CNTNAP2: variants seen among roughly 807,000 people sequenced by gnomAD.
The protein encoded by CNTNAP2 is contactin associated protein 2.
In CNTNAP2, 98 loss-of-function variants were observed where a neutral mutation model predicts 155.2. The ratio of observed to expected loss-of-function variants is 0.63; its 90% CI spans 0.54 to 0.75. The LOEUF (loss-of-function observed/expected upper bound fraction) is 0.75. Among genes scored for constraint, CNTNAP2 ranks in the 30% least tolerant of loss-of-function variants. The pLI is 0.00. For synonymous variants in CNTNAP2, 651 were observed against 631.2 expected, an observed-to-expected ratio of 1.03 and a Z score of -0.47; for missense variants, 1,727 against 1,688.1, an observed-to-expected ratio of 1.02 and a Z score of -0.40.
At chr7:147,661,066 C>T (rs1795601634) in intron 13 of CNTNAP2, among the ~76,000 whole-genome samples, 1 of 152,052 alleles carries the variant, frequency 6.6e-6, no homozygotes, top group South Asian at 2.1e-4. Context: ...TATTGAAAAC[C>T]TATTTCTCCA....
At chr7:146,191,226 G>A (rs1486146069) in intron 1 of CNTNAP2, among the ~76,000 whole-genome samples, 4 of 152,062 alleles carry the variant, frequency 2.6e-5, no homozygotes, top group Non-Finnish European at 5.9e-5. Flanking sequence ...TTTAAAGCTG[G>A]GTGTCCAGGG....
intron 2 of CNTNAP2, among the ~76,000 whole-genome samples, chr7:146,822,796 A>G (rs1044194403): frequency 1.4e-5 from 2 of 148,030 alleles, no homozygotes; most frequent in Non-Finnish European, 3.0e-5. Context: ...AGCATATTTA[A>G]ATATAAATAT....
At chr7:147,407,445 G>A (rs1797025249) in intron 10 of CNTNAP2, among the ~76,000 whole-genome samples, 1 of 125,768 alleles carries the variant, frequency 8.0e-6, no homozygotes, top group Non-Finnish European at 1.6e-5. Flanking sequence ...TCCAGCCTGG[G>A]CAACAGAGCG....
At chr7:147,263,965 C>A (rs944352001) in intron 8 of CNTNAP2, among the ~76,000 whole-genome samples, 2 of 152,152 alleles carry the variant, frequency 1.3e-5, no homozygotes, top group African/African-American at 4.8e-5. Context: ...ATGAGGTGCT[C>A]AGGATTCAGA....
intron 1 of CNTNAP2, among the ~76,000 whole-genome samples, chr7:146,178,607 T>C (rs1325403782): frequency 1.3e-5 from 2 of 152,138 alleles, no homozygotes; most frequent in Non-Finnish European, 2.9e-5. Flanking sequence ...TGCAATTCTG[T>C]GTGATTAACA....
At chr7:146,846,669 A>G (rs1275627274) in intron 3 of CNTNAP2, among the ~76,000 whole-genome samples, 1 of 152,152 alleles carries the variant, frequency 6.6e-6, no homozygotes, top group Non-Finnish European at 1.5e-5. Context: ...CTGAGACTCA[A>G]TATTGTACAT....
intron 13 of CNTNAP2, among the ~76,000 whole-genome samples, chr7:147,704,861 A>G (rs1796287570): frequency 6.6e-6 from 1 of 152,128 alleles, no homozygotes; most frequent in African/African-American, 2.4e-5. Flanking sequence ...TTGTTAGTGT[A>G]TAGTTTTTCA....
At chr7:147,447,296 G>A (rs1797756897) in intron 10 of CNTNAP2, among the ~76,000 whole-genome samples, 2 of 152,094 alleles carry the variant, frequency 1.3e-5, no homozygotes, top group South Asian at 4.1e-4. Context: ...ATATACATAT[G>A]TATGTTTGTA....
At chr7:147,592,822 C>T (rs1028926152) in intron 12 of CNTNAP2, among the ~76,000 whole-genome samples, 4 of 152,156 alleles carry the variant, frequency 2.6e-5, no homozygotes, top group Non-Finnish European at 5.9e-5. Flanking sequence ...GCCCTAAGGA[C>T]AAATGAAGAG....
intron 15 of CNTNAP2, among the ~76,000 whole-genome samples, chr7:148,053,360 A>T (rs905057966): frequency 2.6e-5 from 4 of 152,216 alleles, no homozygotes; most frequent in Non-Finnish European, 5.9e-5. Context: ...TTAATCTGCT[A>T]TCTTACCTTT....
At position 146,637,006 on chromosome 7, in the gene CNTNAP2, C is replaced by T. The variant is rs188261725; in HGVS notation, c.98-137265C>T. ...ATATAAATTGCGTATCTCTAAACTT[C>T]GCAAATCTAATATGGTATTCACAAT... On this transcript the variant is annotated intron_variant, in intron 1 of 23. Coordinates refer to ENST00000361727, the MANE Select transcript of CNTNAP2 (RefSeq NM_014141.6). 2.6e-3 allele frequency among the ~76,000 whole-genome samples: 395 copies of T among 152,268 alleles called. 5 individuals carry two copies. The highest frequency in any genetic ancestry group is 9.1e-3 in the African/African-American group (379 of 41,548).
chr7:146,745,087 T>C (rs1585070318), intron 1 of CNTNAP2, among the ~76,000 whole-genome samples: 1 of 152,170 alleles, frequency 6.6e-6, no homozygotes, highest in Non-Finnish European at 1.5e-5. Context: ...GGATAATTCT[T>C]TGCAAACCAT....
intron 9 of CNTNAP2, among the ~76,000 whole-genome samples, chr7:147,365,131 C>A (rs967656107): frequency 6.6e-6 from 1 of 151,842 alleles, no homozygotes; most frequent in Non-Finnish European, 1.5e-5. Context: ...AGGCCGAGTG[C>A]AGTGGCTCAT....
chr7:147,834,439 C>A (rs12539579), intron 13 of CNTNAP2, among the ~76,000 whole-genome samples: 6,758 of 151,340 alleles, frequency 0.045, 274 homozygotes, highest in Admixed American at 0.12. Flanking sequence ...TCTAAAACTA[C>A]AGAGTGTTGT....
chr7:147,297,740 T>A (rs189246748), intron 8 of CNTNAP2, among the ~76,000 whole-genome samples: 1 of 152,278 alleles, frequency 6.6e-6, no homozygotes, highest in Admixed American at 6.5e-5. Context: ...AATACCACTT[T>A]GTGGGGAGAT....
At chr7:147,873,293 G>A (rs1179810183) in intron 13 of CNTNAP2, among the ~76,000 whole-genome samples, 1 of 152,144 alleles carries the variant, frequency 6.6e-6, no homozygotes, top group Non-Finnish European at 1.5e-5. Flanking sequence ...AATTGTATTA[G>A]TCCATTCTCA....
chr7:146,927,422 C>T (rs932333650), intron 3 of CNTNAP2, among the ~76,000 whole-genome samples: 2 of 151,954 alleles, frequency 1.3e-5, no homozygotes, highest in Non-Finnish European at 2.9e-5. Flanking sequence ...GCAGTTTCTC[C>T]AGAATTAGAA....
intron 4 of CNTNAP2, among the ~76,000 whole-genome samples, chr7:147,098,201 A>C (rs1298496804): frequency 4.6e-5 from 7 of 152,234 alleles, no homozygotes; most frequent in Non-Finnish European, 1.5e-5. Flanking sequence ...TTTCCAATGC[A>C]AACCTGGACA....
intron 1 of CNTNAP2, among the ~76,000 whole-genome samples, chr7:146,203,399 G>T (rs1357431195): frequency 1.3e-5 from 2 of 152,134 alleles, no homozygotes; most frequent in Non-Finnish European, 2.9e-5. Flanking sequence ...AGGGAAACAT[G>T]CTTACTTGTT....
Sources: gnomAD v4.1 joint callset for allele counts (sites outside exome capture counted in the v4.1 genomes callset) on GRCh38, gnomAD v4.1.1 for gene constraint, MANE v1.5 for transcripts, NCBI Gene and HGNC (gene_info 2026-07-23, HGNC 2026-07-21) for gene names.